ARFIP1: variants seen among roughly 807,000 people sequenced by gnomAD.
The protein encoded by ARFIP1 is arfaptin-1.
In ARFIP1, 24 loss-of-function variants were observed where a neutral mutation model predicts 42.5. The observed-to-expected ratio is 0.57, with a 90% CI of 0.41 to 0.80. The LOEUF (loss-of-function observed/expected upper bound fraction) is 0.80, where lower values mean the gene tolerates loss of function less well. ARFIP1 is among the 30% of genes least tolerant of loss of function. The pLI is 0.00. For synonymous variants in ARFIP1, 141 were observed against 153.7 expected (o/e 0.92, Z 0.61); for missense variants, 354 against 434.0 (o/e 0.82, Z 1.64).
At chr4:152,882,613 C>G (rs1467658402) in intron 6 of ARFIP1, 110 bp from the exon 7 acceptor site, 1 of 1,042,828 alleles carries the variant, frequency 9.6e-7, no homozygotes, top group Non-Finnish European at 1.4e-6. Flanking sequence ...ACTGCTACAG[C>G]TAGATCTCTA....
chr4:152,889,734 C>A (rs1460694251), intron 8 of ARFIP1, among the ~76,000 whole-genome samples: 4 of 101,858 alleles, frequency 3.9e-5, no homozygotes, highest in African/African-American at 1.2e-4. Flanking sequence ...ACTATATATA[C>A]TATACTATAT....
At chr4:152,790,728 CTTTT>C (rs781615063) in intron 1 of ARFIP1, among the ~76,000 whole-genome samples, 7 of 106,080 alleles carry the variant, frequency 6.6e-5, no homozygotes, top group African/African-American at 2.7e-4. Flanking sequence ...ATGTGTTTAT[CTTTT>C]TTTTTTTTTT....
intron 1 of ARFIP1, among the ~76,000 whole-genome samples, chr4:152,789,293 T>C (rs1169530681): frequency 6.6e-6 from 1 of 151,926 alleles, no homozygotes; most frequent in East Asian, 1.9e-4. Flanking sequence ...TTTCACCATG[T>C]TGGCCAGGCT....
At chr4:152,859,426 CATGTCTTGAGGTCTAGAATTCCTCAG>C (rs1296168597) in intron 2 of ARFIP1, among the ~76,000 whole-genome samples, 3 of 152,164 alleles carry the variant, frequency 2.0e-5, no homozygotes, top group African/African-American at 7.2e-5. Context: ...GGTAACCAAT[CATGTCTTGAGGTCTAGAATTCCTCAG>C]ATGCCTCATT....
At chr4:152,836,134 C>A (rs370539659) in intron 2 of ARFIP1, among the ~76,000 whole-genome samples, 38 of 152,022 alleles carry the variant, frequency 2.5e-4, no homozygotes, top group African/African-American at 9.2e-4. Flanking sequence ...TGAAGAGGTG[C>A]GGGAGGAAGA....
chr4:152,868,484 T>A (rs1734597394), intron 3 of ARFIP1, among the ~76,000 whole-genome samples: 1 of 152,158 alleles, frequency 6.6e-6, no homozygotes, highest in Non-Finnish European at 1.5e-5. Flanking sequence ...GTATTAAAGA[T>A]ACAGAAAAGT....
intron 8 of ARFIP1, among the ~76,000 whole-genome samples, chr4:152,898,225 A>G (rs1015501739): frequency 6.6e-6 from 1 of 150,790 alleles, no homozygotes; most frequent in Admixed American, 6.6e-5. Context: ...CTTGTGATCC[A>G]CCCGCCTCGC....
At chr4:152,895,307 A>T (rs1170427574) in intron 8 of ARFIP1, among the ~76,000 whole-genome samples, 1 of 152,186 alleles carries the variant, frequency 6.6e-6, no homozygotes, top group Non-Finnish European at 1.5e-5. Flanking sequence ...TAAAACAGTA[A>T]CACAGACTGA....
intron 5 of ARFIP1, among the ~76,000 whole-genome samples, chr4:152,873,753 C>T (rs1012678186): frequency 6.6e-6 from 1 of 152,134 alleles, no homozygotes; most frequent in Non-Finnish European, 1.5e-5. Context: ...GCTTCTTAAC[C>T]AATTCGCTAA....
At chr4:152,880,936 TA>T (rs1237642625) in intron 5 of ARFIP1, 26 bp from the exon 6 acceptor site, 2 of 1,563,354 alleles carry the variant, frequency 1.3e-6, no homozygotes, top group Non-Finnish European at 1.8e-6. Context: ...TTTTTCTTTC[TA>T]AACAAAATGC....
At chr4:152,797,561 T>G (rs1731543378) in intron 1 of ARFIP1, among the ~76,000 whole-genome samples, 1 of 152,238 alleles carries the variant, frequency 6.6e-6, no homozygotes, top group African/African-American at 2.4e-5. Context: ...ATCTTTATAA[T>G]GTTGTCATCC....
At chr4:152,848,222 G>A (rs1415846204) in intron 2 of ARFIP1, among the ~76,000 whole-genome samples, 1 of 152,206 alleles carries the variant, frequency 6.6e-6, no homozygotes, top group Non-Finnish European at 1.5e-5. Context: ...GACTATAACT[G>A]CAGTGAGTGC....
intron 1 of ARFIP1, among the ~76,000 whole-genome samples, chr4:152,801,489 A>C (rs1728413777): frequency 6.6e-6 from 1 of 152,142 alleles, no homozygotes; most frequent in African/African-American, 2.4e-5. Flanking sequence ...AGAGTAAATG[A>C]ATTTCTGTAT....
At chr4:152,859,221 C>T (rs1733681815) in intron 2 of ARFIP1, among the ~76,000 whole-genome samples, 1 of 152,074 alleles carries the variant, frequency 6.6e-6, no homozygotes, top group African/African-American at 2.4e-5. Context: ...GCCACCATGC[C>T]CAGCTGAATT....
At chr4:152,876,699 A>G (rs936973651) in intron 5 of ARFIP1, among the ~76,000 whole-genome samples, 1 of 152,244 alleles carries the variant, frequency 6.6e-6, no homozygotes, top group African/African-American at 2.4e-5. Flanking sequence ...AGAAATCTTC[A>G]CGGCAGCCCC....
At chr4:152,847,121 G>GTTTTTTTTTTTTTTTTTT (rs1561139273) in intron 2 of ARFIP1, among the ~76,000 whole-genome samples, 5 of 48,170 alleles carry the variant, frequency 1.0e-4, no homozygotes, top group East Asian at 5.2e-4. Flanking sequence ...TTTTAGGTTT[G>GTTTTTTTTTTTTTTTTTT]TTCTTTTTTT....
intron 3 of ARFIP1, among the ~76,000 whole-genome samples, chr4:152,869,463 T>A (rs1406307585): frequency 2.0e-5 from 3 of 151,856 alleles, no homozygotes; most frequent in African/African-American, 7.3e-5. Flanking sequence ...TTTTTTTTTT[T>A]AATTGAGACA....
chr4:152,859,998 C>G (rs1733758353), intron 2 of ARFIP1, among the ~76,000 whole-genome samples: 1 of 151,764 alleles, frequency 6.6e-6, no homozygotes, highest in Non-Finnish European at 1.5e-5. Context: ...AATCACTCAT[C>G]CTAAGTAATA....
intron 2 of ARFIP1, among the ~76,000 whole-genome samples, chr4:152,841,673 AT>A (rs1298698715): frequency 6.6e-6 from 1 of 152,138 alleles, no homozygotes; most frequent in African/African-American, 2.4e-5. Flanking sequence ...ATACAAAATT[AT>A]TGGCTGATAA....
Sources: allele counts gnomAD v4.1 joint callset (sites outside exome capture counted in the v4.1 genomes callset), GRCh38; gene constraint gnomAD v4.1.1; transcripts MANE v1.5; gene names NCBI Gene and HGNC (gene_info 2026-07-23, HGNC 2026-07-21).